Variants in CCT8 observed in about 807,000 individuals in gnomAD.
CCT8 encodes the protein T-complex protein 1 subunit theta.
Under a neutral mutation model 65.7 loss-of-function variants are expected in CCT8, and 10 were observed. The observed-to-expected ratio is 0.15, with a 90% CI of 0.09 to 0.26. The LOEUF (loss-of-function observed/expected upper bound fraction) is 0.26. Among genes scored for constraint, CCT8 ranks in the 10% least tolerant of loss-of-function variants. The pLI, the probability that CCT8 is intolerant of heterozygous loss-of-function variation, is 1.00. For missense variants in CCT8, 568 were observed against 669.1 expected (o/e 0.85, Z 1.67); for synonymous variants, 199 against 221.8 (o/e 0.90, Z 0.92).
intron 4 of CCT8, 142 bp from the exon 5 acceptor site, chr21:29,067,213 T>A: frequency 1.7e-6 from 1 of 592,952 alleles, no homozygotes; most frequent in Non-Finnish European, 2.8e-6. Context: ...CTCTACTAGT[T>A]ATGAATGGAG....
In CCT8 at chr21:29,061,554, A is replaced by T. The variant is rs1215927011; in HGVS notation, c.1226T>A (p.Val409Glu). ...AATTTCTGTTGCTCCACCTCCGGGT[A>T]CAAGACGTTTATCCTGTATGTAGCG... ...FKVLTRDKRLVPGGGATEIEL... is the reference protein window; with the variant it reads ...FKVLTRDKRLEPGGGATEIEL... The change falls in exon 12 of 15, where the codon GTA (valine) becomes GAA (glutamate). Residue 409 changes from valine to glutamate, a missense_variant. Val to Glu is a moderately radical substitution (Grantham distance 121). Coordinates refer to ENST00000286788, the MANE Select transcript of CCT8 (RefSeq NM_006585.4). 4 of 1,614,024 alleles carry T rather than the reference A, an allele frequency of 2.5e-6. No individual in the cohort carries two copies. Among genetic ancestry groups the T allele is most frequent in the Middle Eastern group, 1.7e-4 (1 of 6,052 alleles).
chr21:29,068,387 T>C (rs1054365960), intron 3 of CCT8, among the ~76,000 whole-genome samples: 1 of 152,140 alleles, frequency 6.6e-6, no homozygotes, highest in African/African-American at 2.4e-5. Context: ...TGACAAACCC[T>C]TGTACAAGTG....
rs990408393 is a variant in CCT8, at chr21:29,064,302, T to A, written c.762+666A>T. Among the ~76,000 whole-genome samples, 8 of 147,088 alleles carry A rather than the reference T, an allele frequency of 5.4e-5. No homozygotes were observed. The South Asian group carries it at 1.7e-3, about 31-fold the overall frequency. On this transcript the variant is annotated intron_variant, in intron 7 of 14. Coordinates refer to ENST00000286788, the MANE Select transcript of CCT8 (RefSeq NM_006585.4). ...CCAACATGGTGAAACTTTGTCTCTATTAAAAATACAAAAATTAGCCAGAGA... is the reference window on the plus strand; with the variant it reads ...CCAACATGGTGAAACTTTGTCTCTAATAAAAATACAAAAATTAGCCAGAGA...
rs369154122 is a variant in CCT8 at position 29,062,301 on chromosome 21, T to A, written c.1096+27A>T. On this transcript the variant is annotated intron_variant, in intron 10 of 14. Coordinates refer to ENST00000286788, the MANE Select transcript of CCT8 (RefSeq NM_006585.4). ...ATACAAGAAGCTAAAGCCCTACACT[T>A]AAACATGTTTTACCATTCCTACATA... 8.7e-6 allele frequency: 14 copies of A among 1,607,236 alleles called. No homozygotes were observed. In the African/African-American group the frequency reaches 1.6e-4, roughly 18 times the overall value.
At position 29,062,159 on chromosome 21, in the gene CCT8, T is replaced by C; in HGVS notation, c.1181A>G (p.Asp394Gly). 6.2e-7 allele frequency: 1 copy of C among 1,612,490 alleles called. No homozygotes were observed. Among genetic ancestry groups the C allele is most frequent in the Non-Finnish European group, 8.5e-7 (1 of 1,179,310 alleles). ...AAGAACTTTGAAAGTATTAACACCA[T>C]CGTCTACTGCCCTTTCTATGTCATC... ...LMDDIERAVD[D>G]GVNTFKVLTR... Residue 394 changes from aspartate (D) to glycine (G), a missense_variant, in exon 11 of 15, where the codon GAT becomes GGT. Coordinates refer to ENST00000286788, the MANE Select transcript of CCT8 (RefSeq NM_006585.4).
chr21:29,057,560 G>A (rs563410804), intron 14 of CCT8, among the ~76,000 whole-genome samples: 29 of 150,952 alleles, frequency 1.9e-4, no homozygotes, highest in African/African-American at 6.6e-4. Flanking sequence ...GAGGCCAGGA[G>A]TTTGAGACCA....
At chr21:29,057,572 C>T (rs573683492) in intron 14 of CCT8, among the ~76,000 whole-genome samples, 1 of 85,158 alleles carries the variant, frequency 1.2e-5, no homozygotes, top group East Asian at 2.7e-4. Flanking sequence ...TTGAGACCAG[C>T]CTGGGCAACA....
chr21:29,073,351 T>C, intron 1 of CCT8, 180 bp downstream of exon 1: 2 of 1,428,754 alleles, frequency 1.4e-6, no homozygotes, highest in Non-Finnish European at 1.8e-6. Context: ...AGAAGAGAAG[T>C]GCCCGCAGGC....
rs1412308482 is a variant in CCT8, at chr21:29,069,423, T to C, written c.231A>G (p.Glu77=). 1.3e-6 allele frequency: 2 copies of C among 1,557,010 alleles called. No homozygotes were observed. The highest frequency in any genetic ancestry group is 1.7e-6 in the Non-Finnish European group (2 of 1,149,374). ...TTGACTTTTTAAAGAAACAACTTAC[T>C]TCTAGTTCTCTTAAAATAGTTGCTG... The part of the protein sequence containing the change: ...NDAATILREL[E]VQHPAAKMIV... Residue 77 remains glutamate (E), a splice_region_variant and synonymous_variant, in exon 3 of 15, where the codon GAA becomes GAG. Coordinates refer to ENST00000286788, the MANE Select transcript of CCT8 (RefSeq NM_006585.4).
chr21:29,073,459 CCTCCTACTTCG>C, intron 1 of CCT8, 61 bp downstream of exon 1: 1 of 1,610,126 alleles, frequency 6.2e-7, no homozygotes, highest in Non-Finnish European at 8.5e-7. Flanking sequence ...GTTAGTAGGC[CCTCCTACTTCG>C]CCGCGGCCGC....
intron 8 of CCT8, chr21:29,062,805 T>C (rs933148809): frequency 3.9e-6 from 2 of 510,460 alleles, no homozygotes; most frequent in Non-Finnish European, 6.9e-6. Flanking sequence ...GTTCTAGAAT[T>C]GGGAGAATGG....
chr21:29,065,248 G>T, intron 6 of CCT8, 143 bp from the exon 7 acceptor site: 1 of 785,284 alleles, frequency 1.3e-6, no homozygotes, highest in Non-Finnish European at 2.0e-6. Flanking sequence ...AAGGGGTGGA[G>T]TGGTGGACAT....
intron 8 of CCT8, 149 bp downstream of exon 8, chr21:29,063,203 C>G (rs145989778): frequency 3.7e-5 from 23 of 616,398 alleles, no homozygotes; most frequent in African/African-American, 1.7e-4. Context: ...TGTTTCCTGA[C>G]CCCTCCCCAA....
At chr21:29,061,631 GCA>G (rs997523612) in intron 11 of CCT8, 64 bp from the exon 12 acceptor site, 132 of 1,514,688 alleles carry the variant, frequency 8.7e-5, no homozygotes, top group South Asian at 2.3e-4. Flanking sequence ...AAATCAGTTT[GCA>G]GTTTTCTAAT....
intron 1 of CCT8, chr21:29,072,187 CT>C: frequency 2.0e-6 from 1 of 503,024 alleles, no homozygotes; most frequent in Non-Finnish European, 3.5e-6. Flanking sequence ...CTGTCTATTC[CT>C]GATCCTTCTT....
chr21:29,072,764 G>C (rs1259928989), intron 1 of CCT8, among the ~76,000 whole-genome samples: 1 of 152,204 alleles, frequency 6.6e-6, no homozygotes, highest in Admixed American at 6.5e-5. Context: ...TTTATCAATA[G>C]TGCAGTAAGA....
At chr21:29,071,408 G>A (rs1601097965) in intron 1 of CCT8, among the ~76,000 whole-genome samples, 2 of 151,864 alleles carry the variant, frequency 1.3e-5, no homozygotes, top group African/African-American at 4.8e-5. Flanking sequence ...GAGAGAGAGA[G>A]AGTCTCCTCT....
At chr21:29,063,571 T>C (rs1242748971) in intron 7 of CCT8, 41 bp from the exon 8 acceptor site, 1 of 1,585,456 alleles carries the variant, frequency 6.3e-7, no homozygotes, top group South Asian at 1.1e-5. Context: ...ATCATTTCAC[T>C]ACGTTGGTGT....
rs186052529 is a variant in CCT8 at position 29,067,760 on chromosome 21, T to C, written c.232-55A>G. The C allele has an allele frequency of 2.1e-4, 275 of 1,292,840 alleles. 2 individuals are homozygous for C. In the African/African-American group the frequency reaches 3.5e-3, roughly 17 times the overall value. 80.1% of individuals were successfully genotyped at this position (1,292,840 alleles called of 1,614,324 possible). A position where few individuals can be genotyped will look rare whatever the true frequency, so the allele number is the denominator to read the frequency against. The stretch of plus-strand genomic sequence containing the variant: ...ATCTGATCCTTAAAGCAACATAAAA[T>C]TGTTCATTTCCATTTCTTAAATAGA... On this transcript the variant is annotated intron_variant, in intron 3 of 14. Coordinates refer to ENST00000286788, the MANE Select transcript of CCT8 (RefSeq NM_006585.4).
Sources: gnomAD v4.1 joint callset for allele counts (sites outside exome capture counted in the v4.1 genomes callset) on GRCh38, gnomAD v4.1.1 for gene constraint, MANE v1.5 for transcripts, NCBI Gene and HGNC (gene_info 2026-07-23, HGNC 2026-07-21) for gene names.